ETNK2: variants seen among roughly 807,000 people sequenced by gnomAD.
The protein encoded by ETNK2 is ethanolamine kinase 2, also known as ethanolamine kinase-like protein.
Under a neutral mutation model 46.2 loss-of-function variants are expected in ETNK2, and 33 were observed. The ratio of observed to expected loss-of-function variants is 0.71; its 90% CI spans 0.54 to 0.96. The LOEUF (loss-of-function observed/expected upper bound fraction) is 0.96. Among genes scored for constraint, ETNK2 ranks in the 40% least tolerant of loss-of-function variants. The pLI, the probability that ETNK2 is intolerant of heterozygous loss-of-function variation, is 0.00. For synonymous variants in ETNK2, 194 were observed against 209.0 expected (o/e 0.93, Z 0.62); for missense variants, 445 against 509.7 (o/e 0.87, Z 1.22).
chr1:204,151,429 G>T lies in ETNK2; in HGVS notation c.258+166C>A. On this transcript the variant is annotated intron_variant, in intron 1 of 7. Coordinates refer to ENST00000367202, the MANE Select transcript of ETNK2 (RefSeq NM_018208.4). The surrounding 1 kb of genome is among the most constrained non-coding windows in gnomAD (Gnocchi z 8.0). ...CCAAGGGAGGTGTGAGCCTAGTTTT[G>T]GTAGCGACGAAATCAATCCGTACAC... is the stretch of plus-strand genomic sequence containing the variant. 2 of 1,021,148 alleles carry T rather than the reference G, an allele frequency of 2.0e-6. No individual in the cohort carries two copies. The highest frequency in any genetic ancestry group is 2.8e-6 in the Non-Finnish European group (2 of 715,766). The allele number at this position is 1,021,148 out of a possible 1,614,324, so 63.3% of individuals were successfully genotyped here.
At chr1:204,144,367 A>AAAAAAAAAAAAAAAAAAAC (rs1657695865) in intron 3 of ETNK2, among the ~76,000 whole-genome samples, 1 of 150,210 alleles carries the variant, frequency 6.7e-6, no homozygotes, top group Non-Finnish European at 1.5e-5. Context: ...AAAAAAAAAA[A>AAAAAAAAAAAAAAAAAAAC]AAGCCATTTC....
chr1:204,135,146 G>T (rs113131768), intron 6 of ETNK2, among the ~76,000 whole-genome samples: 8 of 152,262 alleles, frequency 5.3e-5, no homozygotes, highest in African/African-American at 1.9e-4. Flanking sequence ...AGGCTGGTTG[G>T]GTTGGAAAAT....
In ETNK2 at chr1:204,149,965, A is replaced by T; in HGVS notation, c.259-3T>A. On this transcript the variant is annotated splice_polypyrimidine_tract_variant and splice_region_variant and intron_variant, in intron 1 of 7. Coordinates refer to ENST00000367202, the MANE Select transcript of ETNK2 (RefSeq NM_018208.4). ...TTGGTGATGCCATCCGTGAAGCGCTAGCATGGGGAGAGGACAGTGCGTGGG... is the reference window on the plus strand; with the variant it reads ...TTGGTGATGCCATCCGTGAAGCGCTTGCATGGGGAGAGGACAGTGCGTGGG... The T allele has an allele frequency of 1.0e-6, 1 of 981,594 alleles. No homozygotes were observed. The highest frequency in any genetic ancestry group is 1.4e-6 in the Non-Finnish European group (1 of 723,398). The allele number at this position is 981,594 out of a possible 1,614,324, so 60.8% of individuals were successfully genotyped here.
intron 6 of ETNK2, among the ~76,000 whole-genome samples, chr1:204,135,162 T>C (rs1657233831): frequency 6.6e-6 from 1 of 152,164 alleles, no homozygotes; most frequent in African/African-American, 2.4e-5. Flanking sequence ...AAAATGAACC[T>C]AGATATGGAA....
rs1157696589 is a variant in ETNK2 at position 204,149,929 on chromosome 1, C to A, written c.292G>T (p.Ala98Ser). 1 of 1,504,618 alleles carries A rather than the reference C, an allele frequency of 6.6e-7. No individual in the cohort carries two copies. The highest frequency in any genetic ancestry group is 8.9e-7 in the Non-Finnish European group (1 of 1,117,444). 93.2% of individuals were successfully genotyped at this position (1,504,618 alleles called of 1,614,324 possible). A position where few individuals can be genotyped will look rare whatever the true frequency, so the allele number is the denominator to read the frequency against. ...FTDGITNKLV[A>S]CYVEEDMQDC... The stretch of plus-strand genomic sequence containing the variant: ...TGCATGTCCTCCTCCACATAGCAGG[C>A]CACCAGCTTGTTGGTGATGCCATCC... Residue 98 changes from alanine (A) to serine (S), a missense_variant, in exon 2 of 8, where the codon GCC becomes TCC. Physicochemically the swap from Ala to Ser is moderately conservative, Grantham distance 99 (BLOSUM62 1). Coordinates refer to ENST00000367202, the MANE Select transcript of ETNK2 (RefSeq NM_018208.4).
chr1:204,141,373 A>C lies in ETNK2; in HGVS notation c.726T>G (p.Pro242=), dbSNP rs116285702. The C allele has an allele frequency of 6.8e-4, 1,102 of 1,614,006 alleles. 8 individuals are homozygous for C. In the African/African-American group the frequency reaches 0.013, roughly 19 times the overall value. The change falls in exon 4 of 8, where the codon CCT becomes CCG. Residue 242 remains proline (P), a synonymous_variant. Transcript: ENST00000367202. ...GCAGGTCATTGTGACAAAACACCAC[A>C]GGGGACTCCAGCTGGGACAGATGCT... ...LKEHLSQLES[P]VVFCHNDLLC...
intron 2 of ETNK2, chr1:204,147,355 C>A: frequency 2.0e-6 from 1 of 491,010 alleles, no homozygotes; most frequent in South Asian, 1.5e-5. Flanking sequence ...AACAAGCCAG[C>A]GTTCTATTTT....
chr1:204,145,025 C>A (rs1197410337), intron 3 of ETNK2, among the ~76,000 whole-genome samples: 1 of 152,208 alleles, frequency 6.6e-6, no homozygotes, highest in Non-Finnish European at 1.5e-5. Context: ...CCCAGTCAAT[C>A]AATGTCTGTG....
chr1:204,133,999 G>A (rs1478236233), intron 7 of ETNK2, among the ~76,000 whole-genome samples: 1 of 152,202 alleles, frequency 6.6e-6, no homozygotes, highest in Non-Finnish European at 1.5e-5. Context: ...TCACAGGACA[G>A]GGACTCCCTG....
Position 204,151,512 on chromosome 1 carries a change from G to A in ETNK2, c.258+83C>T, listed in dbSNP as rs1210715975. ...CCGCGCACCCCTGGGACTGACACCC[G>A]GAAGGATGCGAGGACTGGGTCCCCG... On this transcript the variant is annotated intron_variant, in intron 1 of 7. Coordinates refer to ENST00000367202, the MANE Select transcript of ETNK2 (RefSeq NM_018208.4). The surrounding 1 kb of genome is among the most constrained non-coding windows in gnomAD (Gnocchi z 8.0). The A allele has an allele frequency of 6.6e-7, 1 of 1,524,136 alleles. No homozygotes were observed. The highest frequency in any genetic ancestry group is 2.5e-5 in the East Asian group (1 of 40,310). The allele number at this position is 1,524,136 out of a possible 1,614,324, so 94.4% of individuals were successfully genotyped here.
At chr1:204,147,036 G>C in intron 2 of ETNK2, 2 of 589,696 alleles carry the variant, frequency 3.4e-6, no homozygotes, top group Admixed American at 2.2e-5. Context: ...AGAGCAGTGG[G>C]GCTGTTGGTC....
rs372891791 is a variant in ETNK2 at position 204,139,305 on chromosome 1, T to C, written c.868+730A>G. On this transcript the variant is annotated intron_variant, in intron 5 of 7. Transcript: ENST00000367202. ...CCAGTTGTACTGGGTATAAAGGAGC[T>C]TGGACAAAGGAGTGGAGGCTGAAGT... is the stretch of plus-strand genomic sequence containing the variant. Among the ~76,000 whole-genome samples the C allele has an allele frequency of 1.3e-4, 20 of 152,280 alleles. No homozygotes were observed. The South Asian group carries it at 4.2e-3, about 32-fold the overall frequency.
chr1:204,135,033 G>A (rs1657229231), intron 6 of ETNK2, among the ~76,000 whole-genome samples: 1 of 152,178 alleles, frequency 6.6e-6, no homozygotes, highest in African/African-American at 2.4e-5. Context: ...AGCCTCTCAG[G>A]AAGGTGCAGG....
intron 7 of ETNK2, among the ~76,000 whole-genome samples, chr1:204,133,700 T>G (rs11240674): frequency 0.31 from 46,060 of 150,646 alleles, 6,995 homozygotes; most frequent in East Asian, 0.47. Flanking sequence ...CCCGGCTAAT[T>G]TTTTGTATTT....
At chr1:204,133,053 C>CAA (rs995154946) in intron 7 of ETNK2, among the ~76,000 whole-genome samples, 84 of 152,238 alleles carry the variant, frequency 5.5e-4, no homozygotes, top group African/African-American at 2.0e-3. Flanking sequence ...GTAATGTCCT[C>CAA]AAGATTCATC....
At chr1:204,140,012 G>T in intron 5 of ETNK2, 23 bp downstream of exon 5, 3 of 1,602,338 alleles carry the variant, frequency 1.9e-6, no homozygotes, top group South Asian at 2.2e-5. Context: ...CAAAGCACAT[G>T]ACTGTAGAAA....
chr1:204,140,986 A>C, intron 4 of ETNK2: 1 of 381,350 alleles, frequency 2.6e-6, no homozygotes, highest in East Asian at 6.6e-5. Context: ...CATACCAGGA[A>C]AAGTTTTGTG....
chr1:204,149,961 C>G lies in ETNK2; in HGVS notation c.260G>C (p.Arg87Pro). The change falls in exon 2 of 8, where the codon CGC becomes CCC. Residue 87 changes from arginine (R) to proline (P), a missense_variant and splice_region_variant. Transcript: ENST00000367202. The stretch of plus-strand genomic sequence containing the variant: ...CTTGTTGGTGATGCCATCCGTGAAG[C>G]GCTAGCATGGGGAGAGGACAGTGCG... The part of the protein sequence containing the change: ...HWKPEQVRTK[R>P]FTDGITNKLV... The G allele has an allele frequency of 1.6e-6, 2 of 1,222,540 alleles. No individual in the cohort carries two copies. Among genetic ancestry groups the G allele is most frequent in the Non-Finnish European group, 2.2e-6 (2 of 925,846 alleles). The allele number at this position is 1,222,540 out of a possible 1,614,324, so 75.7% of individuals were successfully genotyped here.
chr1:204,144,373 A>C (rs1657697712), intron 3 of ETNK2, among the ~76,000 whole-genome samples: 2 of 147,190 alleles, frequency 1.4e-5, no homozygotes, highest in African/African-American at 2.5e-5. Flanking sequence ...AAAAAAAGCC[A>C]TTTCCTAGGG....
Sources: allele counts gnomAD v4.1 joint callset (sites outside exome capture counted in the v4.1 genomes callset), GRCh38; gene constraint gnomAD v4.1.1; non-coding constraint Gnocchi (gnomAD v3.1); transcripts MANE v1.5; gene names NCBI Gene and HGNC (gene_info 2026-07-23, HGNC 2026-07-21).